Variants in CPED1 observed in about 807,000 individuals in gnomAD.
The protein encoded by CPED1 is cadherin-like and PC-esterase domain-containing protein 1.
Under a neutral mutation model 128.2 loss-of-function variants are expected in CPED1, and 114 were observed. The observed-to-expected ratio is 0.89, with a 90% CI of 0.76 to 1.04. The LOEUF is 1.04. CPED1 is among the 50% of genes least tolerant of loss of function. The pLI is 0.00. For missense variants in CPED1, 1,211 were observed against 1,207.1 expected (o/e 1.00, Z -0.05); for synonymous variants, 462 against 426.7 (o/e 1.08, Z -1.02).
At chr7:121,001,178 T>G (rs1032215602) in intron 2 of CPED1, among the ~76,000 whole-genome samples, 3 of 152,192 alleles carry the variant, frequency 2.0e-5, no homozygotes, top group African/African-American at 7.2e-5. Context: ...TTGGCACCTA[T>G]AGATACAGTC....
intron 5 of CPED1, among the ~76,000 whole-genome samples, chr7:121,084,594 C>A (rs1291643689): frequency 6.6e-6 from 1 of 152,148 alleles, no homozygotes; most frequent in East Asian, 1.9e-4. Flanking sequence ...ACAAATAAAG[C>A]AAAGCTTAGT....
chr7:120,996,733 T>C (rs561042102), intron 2 of CPED1, among the ~76,000 whole-genome samples: 74 of 152,328 alleles, frequency 4.9e-4, no homozygotes, highest in Non-Finnish European at 8.8e-4. Flanking sequence ...TAAGAGTTCA[T>C]CAGATTCCAA....
chr7:121,167,356 C>T (rs1192591890), intron 16 of CPED1, among the ~76,000 whole-genome samples: 1 of 152,158 alleles, frequency 6.6e-6, no homozygotes, highest in Non-Finnish European at 1.5e-5. Flanking sequence ...AGGAAGAACC[C>T]TGAGAATAAG....
chr7:121,213,925 G>A (rs933584631), intron 16 of CPED1, among the ~76,000 whole-genome samples: 15 of 151,918 alleles, frequency 9.9e-5, no homozygotes, highest in Non-Finnish European at 1.8e-4. Flanking sequence ...TTCCATTAAC[G>A]TTATTTTTCT....
rs576525118 is a variant in CPED1, at chr7:121,244,500, A to G, written c.2310+162A>G. Among the ~76,000 whole-genome samples the G allele has an allele frequency of 2.0e-5, 3 of 152,346 alleles. No homozygotes were observed. The South Asian group carries it at 6.2e-4, about 32-fold the overall frequency. ...GAATCATGTATAGATGTTATCATAG[A>G]ATAGCCTGAACAATTCCCGCTCCAA... On this transcript the variant is annotated intron_variant, in intron 18 of 22. Transcript: ENST00000310396.
In CPED1 at chr7:121,208,373, T is replaced by TA. The variant is rs1375842252; in HGVS notation, c.2056-28339dup. ...CTATCTAATTCACAGATATGTTGTATAAGGTACATGATGTGATTAGTGGCA... is the reference window on the plus strand; with the variant it reads ...CTATCTAATTCACAGATATGTTGTATAAAGGTACATGATGTGATTAGTGGCA... On this transcript the variant is annotated intron_variant, in intron 16 of 22. Coordinates refer to ENST00000310396, the MANE Select transcript of CPED1 (RefSeq NM_024913.5). Among the ~76,000 whole-genome samples the TA allele has an allele frequency of 5.9e-5, 9 of 152,164 alleles. No homozygotes were observed. The East Asian group carries it at 1.7e-3, about 30-fold the overall frequency.
intron 22 of CPED1, among the ~76,000 whole-genome samples, chr7:121,292,292 C>T (rs1038531708): frequency 3.3e-5 from 5 of 151,478 alleles, no homozygotes; most frequent in Non-Finnish European, 7.4e-5. Flanking sequence ...ATGCTTTCTT[C>T]TGCTTGATTG....
At position 121,060,521 on chromosome 7, in the gene CPED1, T is replaced by A. The variant is rs185717790; in HGVS notation, c.541-3717T>A. On this transcript the variant is annotated intron_variant, in intron 4 of 22. Transcript: ENST00000310396. ...CACCAATCAGCACCCTGTGTCTAGC[T>A]CAGGGTTTGTGAATGCACCAGTCCA... is the stretch of plus-strand genomic sequence containing the variant. 6.8e-3 allele frequency among the ~76,000 whole-genome samples: 1,042 copies of A among 152,308 alleles called. 12 individuals are homozygous for A. The highest frequency in any genetic ancestry group is 0.022 in the African/African-American group (927 of 41,572).
intron 16 of CPED1, among the ~76,000 whole-genome samples, chr7:121,199,136 GAACAT>G (rs1797331589): frequency 6.6e-6 from 1 of 152,078 alleles, no homozygotes; most frequent in South Asian, 2.1e-4. Flanking sequence ...GAGCTAAGAA[GAACAT>G]AACAAGGGGT....
At chr7:121,071,346 C>T (rs1255955977) in intron 5 of CPED1, among the ~76,000 whole-genome samples, 1 of 152,116 alleles carries the variant, frequency 6.6e-6, no homozygotes, top group African/African-American at 2.4e-5. Flanking sequence ...ATACTCCTTT[C>T]CCTCAGCACA....
chr7:121,028,684 A>G (rs1339835694), intron 3 of CPED1, among the ~76,000 whole-genome samples: 1 of 152,212 alleles, frequency 6.6e-6, no homozygotes, highest in Non-Finnish European at 1.5e-5. Flanking sequence ...ATACTGTGGA[A>G]AAAACATTGG....
At chr7:121,058,043 C>T (rs1012453717) in intron 4 of CPED1, among the ~76,000 whole-genome samples, 5 of 151,908 alleles carry the variant, frequency 3.3e-5, no homozygotes, top group African/African-American at 9.7e-5. Flanking sequence ...AACAATAGGC[C>T]TACAGTAAAG....
At chr7:121,137,924 T>C (rs777600834) in intron 14 of CPED1, among the ~76,000 whole-genome samples, 5 of 152,098 alleles carry the variant, frequency 3.3e-5, no homozygotes, top group Non-Finnish European at 7.4e-5. Flanking sequence ...TATTTTCTCA[T>C]TTGTAAAATG....
rs986977709 is a variant in CPED1, at chr7:121,296,397, A to T, written c.*745A>T. On this transcript the variant is annotated 3_prime_UTR_variant, in exon 23 of 23. Coordinates refer to ENST00000310396, the MANE Select transcript of CPED1 (RefSeq NM_024913.5). The stretch of plus-strand genomic sequence containing the variant: ...TGAATTAATGAAATATGTAATTTTA[A>T]AGTAAGTAACAAAATGTAGTTCCTC... 6.6e-6 allele frequency: 1 copy of T among 152,188 alleles called. No homozygotes were observed. Among genetic ancestry groups the T allele is most frequent in the African/African-American group, 2.4e-5 (1 of 41,452 alleles). 9.4% of individuals were successfully genotyped at this position (152,188 alleles called of 1,614,324 possible). A position where few individuals can be genotyped will look rare whatever the true frequency, so the allele number is the denominator to read the frequency against.
At chr7:121,176,343 T>G (rs1796779322) in intron 16 of CPED1, among the ~76,000 whole-genome samples, 1 of 151,942 alleles carries the variant, frequency 6.6e-6, no homozygotes, top group African/African-American at 2.4e-5. Context: ...GATCCCTTAC[T>G]ATTTCTTTCT....
intron 2 of CPED1, among the ~76,000 whole-genome samples, chr7:120,997,868 G>A (rs1356068873): frequency 6.6e-6 from 1 of 151,332 alleles, no homozygotes. Flanking sequence ...GTTGCAGTGA[G>A]CTGAGATTGT....
chr7:121,262,116 A>T (rs1792032169), intron 18 of CPED1, among the ~76,000 whole-genome samples: 1 of 151,940 alleles, frequency 6.6e-6, no homozygotes, highest in Non-Finnish European at 1.5e-5. Context: ...CTGGTCATTT[A>T]AAAGAGCCTG....
intron 2 of CPED1, among the ~76,000 whole-genome samples, chr7:120,992,421 G>A (rs1214135919): frequency 6.6e-6 from 1 of 152,112 alleles, no homozygotes; most frequent in African/African-American, 2.4e-5. Context: ...GACATTTTAT[G>A]CAAAATACTG....
intron 7 of CPED1, 73 bp from the exon 8 acceptor site, chr7:121,124,258 A>G (rs1318672630): frequency 7.2e-7 from 1 of 1,393,090 alleles, no homozygotes; most frequent in Non-Finnish European, 9.7e-7. Context: ...AATCCTTCAA[A>G]TTGGTCACCT....
Sources: allele counts gnomAD v4.1 joint callset (sites outside exome capture counted in the v4.1 genomes callset), GRCh38; gene constraint gnomAD v4.1.1; transcripts MANE v1.5; gene names NCBI Gene and HGNC (gene_info 2026-07-23, HGNC 2026-07-21).